The following GALC variants were observed in gnomAD, a reference collection of about 807,000 sequenced individuals.
GALC encodes galactosylceramidase, also known as galactocerebrosidase.
In GALC, 77 loss-of-function variants were observed where a neutral mutation model predicts 91.8. That is an observed-to-expected ratio of 0.84 (90% CI 0.70 to 1.01). The LOEUF is 1.01. GALC is among the 50% of genes least tolerant of loss of function. GALC has a pLI of 0.00. For missense variants in GALC, 882 were observed against 855.9 expected, an observed-to-expected ratio of 1.03 and a Z score of -0.38; for synonymous variants, 357 against 306.7, an observed-to-expected ratio of 1.16 and a Z score of -1.71.
chr14:87,956,097 C>T (rs1885527334), intron 10 of GALC, among the ~76,000 whole-genome samples: 2 of 151,844 alleles, frequency 1.3e-5, no homozygotes, highest in African/African-American at 4.8e-5. Context: ...AATTTAAGTC[C>T]CCAGGGCATT....
rs185126709 is a variant in GALC at position 87,951,145 on chromosome 14, A to T, written c.1162-397T>A. ...TTTCGTTCTCATGTAAGAAGTAAAA[A>T]ATATATATATATATGTATGGGTGTG... On this transcript the variant is annotated intron_variant, in intron 10 of 16. Transcript: ENST00000261304. Among the ~76,000 whole-genome samples, 471 of 150,908 alleles carry T rather than the reference A, an allele frequency of 3.1e-3. 5 individuals are homozygous for T. The highest frequency in any genetic ancestry group is 0.01 in the African/African-American group (417 of 41,252).
chr14:87,971,867 A>C (rs773678522), intron 7 of GALC, among the ~76,000 whole-genome samples: 1 of 152,150 alleles, frequency 6.6e-6, no homozygotes, highest in Non-Finnish European at 1.5e-5. Flanking sequence ...TTCAACATGA[A>C]AATAAGCTGT....
At chr14:87,990,972 T>A (rs1227709354) in intron 1 of GALC, among the ~76,000 whole-genome samples, 1 of 152,082 alleles carries the variant, frequency 6.6e-6, no homozygotes, top group Non-Finnish European at 1.5e-5. Flanking sequence ...TAACCAAAAT[T>A]AGTAATGTGC....
Position 87,947,642 on chromosome 14 carries a change from C to T in GALC, c.1489+86G>A, listed in dbSNP as rs549317506. On this transcript the variant is annotated intron_variant, in intron 13 of 16. Coordinates refer to ENST00000261304, the MANE Select transcript of GALC (RefSeq NM_000153.4). ...ATGAATGTGCTTTTGACAGCCACTC[C>T]ATCATGCACCCAGTTTGACAGGTAG... 52 of 1,303,480 alleles carry T rather than the reference C, an allele frequency of 4.0e-5. No homozygotes were observed. The East Asian group carries it at 1.2e-3, about 30-fold the overall frequency. The allele number at this position is 1,303,480 out of a possible 1,614,324, so 80.7% of individuals were successfully genotyped here. A position where few individuals can be genotyped will look rare whatever the true frequency, so the allele number is the denominator to read the frequency against.
Position 87,986,616 on chromosome 14 carries a change from A to G in GALC, c.329-14T>C, listed in dbSNP as rs375242461. 8.5e-6 allele frequency: 13 copies of G among 1,530,978 alleles called. No individual in the cohort carries two copies. The African/African-American group carries it at 1.5e-4, about 18-fold the overall frequency. 94.8% of individuals were successfully genotyped at this position (1,530,978 alleles called of 1,614,324 possible). ...GCTCAGTGCCGTCTGAATAGAGGAG[A>G]GCAAAAACGGAAGTAATGATCCATG... On this transcript the variant is annotated splice_polypyrimidine_tract_variant and intron_variant, in intron 3 of 16. Coordinates refer to ENST00000261304, the MANE Select transcript of GALC (RefSeq NM_000153.4).
At chr14:87,974,108 T>C (rs1450948121) in intron 7 of GALC, among the ~76,000 whole-genome samples, 1 of 152,122 alleles carries the variant, frequency 6.6e-6, no homozygotes, top group Non-Finnish European at 1.5e-5. Flanking sequence ...AACACAAACA[T>C]CAGTTATATT....
intron 1 of GALC, 93 bp downstream of exon 1, chr14:87,992,877 G>T: frequency 7.1e-7 from 1 of 1,410,100 alleles, no homozygotes; most frequent in Non-Finnish European, 9.2e-7. Context: ...GGAGCCGGTG[G>T]AAACGCAGGG....
At chr14:87,962,344 T>C (rs1160820417) in intron 10 of GALC, among the ~76,000 whole-genome samples, 2 of 149,822 alleles carry the variant, frequency 1.3e-5, no homozygotes, top group Non-Finnish European at 3.0e-5. Context: ...TGCATCTTTT[T>C]ACACCCTCTT....
chr14:87,965,692 A>C, intron 8 of GALC, 63 bp from the exon 9 acceptor site: 1 of 1,549,506 alleles, frequency 6.5e-7, no homozygotes, highest in Non-Finnish European at 8.9e-7. Context: ...AATGTCTAAA[A>C]ACCTGGAGTA....
chr14:87,937,737 AC>A (rs1156246693), intron 16 of GALC, among the ~76,000 whole-genome samples: 1 of 151,706 alleles, frequency 6.6e-6, no homozygotes, highest in Non-Finnish European at 1.5e-5. Context: ...TATGCAAAGT[AC>A]CTGAAAAAAA....
intron 6 of GALC, among the ~76,000 whole-genome samples, chr14:87,979,755 TTCA>T (rs1886659050): frequency 6.6e-6 from 1 of 152,174 alleles, no homozygotes; most frequent in African/African-American, 2.4e-5. Context: ...ATTTAAAAAG[TTCA>T]TCACCTTTCA....
At chr14:87,988,376 C>T (rs2139759158) in intron 2 of GALC, 79 bp downstream of exon 2, 3 of 1,250,652 alleles carry the variant, frequency 2.4e-6, no homozygotes, top group South Asian at 2.4e-5. Flanking sequence ...AATTGTGAGG[C>T]TAATAAATTC....
At chr14:87,954,239 T>C (rs1885425362) in intron 10 of GALC, 3 of 1,537,966 alleles carry the variant, frequency 2.0e-6, no homozygotes, top group East Asian at 4.5e-5. Flanking sequence ...GTATAGACTT[T>C]ATAGAATTGG....
At chr14:87,960,724 A>G (rs1011111324) in intron 10 of GALC, among the ~76,000 whole-genome samples, 1 of 152,178 alleles carries the variant, frequency 6.6e-6, no homozygotes, top group East Asian at 1.9e-4. Context: ...AATTCAATGA[A>G]AAAGGAATAG....
intron 10 of GALC, among the ~76,000 whole-genome samples, chr14:87,957,797 A>G (rs1262329047): frequency 1.3e-5 from 2 of 152,162 alleles, no homozygotes; most frequent in Non-Finnish European, 1.5e-5. Flanking sequence ...ATACTTAACC[A>G]AGAACCAATA....
Position 87,966,212 on chromosome 14 carries a change from T to C in GALC, c.909-583A>G, listed in dbSNP as rs183600788. On this transcript the variant is annotated intron_variant, in intron 8 of 16. Coordinates refer to ENST00000261304, the MANE Select transcript of GALC (RefSeq NM_000153.4). ...AATGTACTAATGCATAGGAAGAGTA[T>C]GGAACAAGGTCTGGGCCGTAGTATT... Among the ~76,000 whole-genome samples the C allele has an allele frequency of 2.1e-3, 316 of 152,328 alleles. 1 individual carries two copies. The highest frequency in any genetic ancestry group is 7.4e-3 in the African/African-American group (308 of 41,580).
Position 87,941,508 on chromosome 14 carries a change from C to T in GALC, c.1721G>A (p.Gly574Glu), listed in dbSNP as rs1316993959. 3 of 1,596,818 alleles carry T rather than the reference C, an allele frequency of 1.9e-6. No individual in the cohort carries two copies. Among genetic ancestry groups the T allele is most frequent in the Non-Finnish European group, 2.6e-6 (3 of 1,164,644 alleles). The change falls in exon 15 of 17, where the codon GGA (glycine) becomes GAA (glutamate). Residue 574 changes from glycine (G) to glutamate (E), a missense_variant. Physicochemically the swap from Gly to Glu is moderately conservative, Grantham distance 98. Transcript: ENST00000261304. ...TACTCTTCCTGCAATGAACACACCT[C>T]CTGTGTCAGGGGTCTCTATGTATAC... ...CDVYIETPDT[G>E]GVFIAGRVNK...
chr14:87,954,885 T>C (rs1209929653), intron 10 of GALC: 9 of 1,591,602 alleles, frequency 5.7e-6, no homozygotes, highest in Middle Eastern at 2.0e-4. Context: ...AAATATACTA[T>C]AGGCCAGCTT....
chr14:87,963,417 G>A lies in GALC; in HGVS notation c.1128C>T (p.Gly376=), dbSNP rs748327134. ...KGGSYVALTD[G]LGNLTIIIET... ...CAATGATGATGGTGAGGTTCCCTAA[G>A]CCATCAGTCAGAGCTACGTAGCTTC... The change falls in exon 10 of 17, where the codon GGC becomes GGT. Residue 376 remains glycine (G), a synonymous_variant. Coordinates refer to ENST00000261304, the MANE Select transcript of GALC (RefSeq NM_000153.4). The A allele has an allele frequency of 2.5e-6, 4 of 1,613,308 alleles. No individual in the cohort carries two copies. Among genetic ancestry groups the A allele is most frequent in the Non-Finnish European group, 3.4e-6 (4 of 1,179,362 alleles).
Sources: gnomAD v4.1 joint callset for allele counts (sites outside exome capture counted in the v4.1 genomes callset) on GRCh38, gnomAD v4.1.1 for gene constraint, MANE v1.5 for transcripts, NCBI Gene and HGNC (gene_info 2026-07-23, HGNC 2026-07-21) for gene names.